SKIC3: variants seen among roughly 807,000 people sequenced by gnomAD.
SKIC3 encodes superkiller complex protein 3.
the SKIC3 span, among the ~76,000 whole-genome samples, chr5:95,548,203 A>T: frequency 6.6e-6 from 1 of 152,012 alleles, no homozygotes; most frequent in Non-Finnish European, 1.5e-5. Context: ...AGGTAAAACA[A>T]AGCTGGGGTA....
chr5:95,494,613 C>T, the SKIC3 span: 6 of 1,465,510 alleles, frequency 4.1e-6, no homozygotes, highest in Non-Finnish European at 2.9e-6. Flanking sequence ...CAAGATTTTT[C>T]CCCCACTTAC....
the SKIC3 span, chr5:95,509,467 AC>A: frequency 5.4e-6 from 4 of 739,238 alleles, no homozygotes; most frequent in Non-Finnish European, 9.7e-6. Flanking sequence ...GCTCCTCCCC[AC>A]CTGCAAATGG....
At chr5:95,504,283 C>A in the SKIC3 span, among the ~76,000 whole-genome samples, 1 of 152,002 alleles carries the variant, frequency 6.6e-6, no homozygotes, top group African/African-American at 2.4e-5. Flanking sequence ...TTGTAGTGAG[C>A]CGAGATTGCA....
the SKIC3 span, chr5:95,512,724 A>C: frequency 7.6e-7 from 1 of 1,315,308 alleles, no homozygotes; most frequent in Non-Finnish European, 1.1e-6. Context: ...ATCACATCTC[A>C]GTGTTCTTTA....
chr5:95,539,149 C>CT, the SKIC3 span, among the ~76,000 whole-genome samples: 156 of 151,174 alleles, frequency 1.0e-3, 1 homozygote, highest in African/African-American at 3.3e-3. Context: ...ACATACAATC[C>CT]TTTTTTTTTG....
chr5:95,470,385 A>G, the SKIC3 span, among the ~76,000 whole-genome samples: 1 of 152,196 alleles, frequency 6.6e-6, no homozygotes, highest in Non-Finnish European at 1.5e-5. Flanking sequence ...GCTCTAAAGG[A>G]GCTATAAAAT....
At chr5:95,521,769 T>C in the SKIC3 span, among the ~76,000 whole-genome samples, 1 of 151,966 alleles carries the variant, frequency 6.6e-6, no homozygotes, top group Non-Finnish European at 1.5e-5. Context: ...AATGTAAGAG[T>C]AGGGAAACAT....
chr5:95,486,407 T>C, the SKIC3 span, among the ~76,000 whole-genome samples: 1 of 152,154 alleles, frequency 6.6e-6, no homozygotes, highest in South Asian at 2.1e-4. Context: ...AGCTGAGGCA[T>C]CACTGAAGGC....
the SKIC3 span, among the ~76,000 whole-genome samples, chr5:95,547,598 T>A: frequency 2.4e-4 from 37 of 152,258 alleles, no homozygotes; most frequent in African/African-American, 8.4e-4. Context: ...TCTTAAATTA[T>A]AGATGATCAA....
At chr5:95,493,290 A>T in the SKIC3 span, among the ~76,000 whole-genome samples, 1 of 152,196 alleles carries the variant, frequency 6.6e-6, no homozygotes, top group African/African-American at 2.4e-5. Flanking sequence ...TTAGCATCTT[A>T]TGGGATGTCT....
chr5:95,477,926 A>T, the SKIC3 span, among the ~76,000 whole-genome samples: 1 of 152,232 alleles, frequency 6.6e-6, no homozygotes, highest in Non-Finnish European at 1.5e-5. Context: ...CTCTTAGAGA[A>T]TGTTGAATTG....
chr5:95,502,811 T>A, the SKIC3 span: 1 of 1,596,486 alleles, frequency 6.3e-7, no homozygotes, highest in Non-Finnish European at 8.5e-7. Context: ...GAACTTACGC[T>A]TTCTCCAATT....
chr5:95,465,140 G>A, the SKIC3 span, among the ~76,000 whole-genome samples: 12 of 151,864 alleles, frequency 7.9e-5, no homozygotes, highest in South Asian at 2.1e-4. Context: ...GTTGGCCAGA[G>A]GCTGGTCTCA....
the SKIC3 span, chr5:95,541,522 T>C: frequency 2.4e-6 from 2 of 835,438 alleles, no homozygotes; most frequent in Non-Finnish European, 3.8e-6. Flanking sequence ...TCTTCTTTCA[T>C]ACTACAGTAA....
At chr5:95,479,446 T>C in the SKIC3 span, among the ~76,000 whole-genome samples, 3 of 152,262 alleles carry the variant, frequency 2.0e-5, no homozygotes, top group Middle Eastern at 3.4e-3. Flanking sequence ...CAGAGCTTTG[T>C]TGGGTGAGAA....
At chr5:95,505,648 C>G in the SKIC3 span, among the ~76,000 whole-genome samples, 345 of 152,064 alleles carry the variant, frequency 2.3e-3, no homozygotes, top group African/African-American at 7.5e-3. Context: ...TCCGTCTCTA[C>G]TAAAAATACA....
chr5:95,484,008 C>G, the SKIC3 span, among the ~76,000 whole-genome samples: 1 of 152,132 alleles, frequency 6.6e-6, no homozygotes, highest in Non-Finnish European at 1.5e-5. Context: ...TACTGCCTCT[C>G]TAATGACACC....
the SKIC3 span, among the ~76,000 whole-genome samples, chr5:95,510,148 G>C: frequency 2.2e-4 from 33 of 152,242 alleles, no homozygotes; most frequent in South Asian, 5.0e-3. Context: ...GGTACTTTCG[G>C]TGCAGTATTT....
At chr5:95,465,697 C>T in the SKIC3 span, among the ~76,000 whole-genome samples, 2 of 152,156 alleles carry the variant, frequency 1.3e-5, no homozygotes, top group Non-Finnish European at 2.9e-5. Flanking sequence ...CAGTCTGTGA[C>T]GTGGATGGAC....
Sources: allele counts gnomAD v4.1 joint callset (sites outside exome capture counted in the v4.1 genomes callset), GRCh38; gene constraint gnomAD v4.1.1; transcripts MANE v1.5; gene names NCBI Gene and HGNC (gene_info 2026-07-23, HGNC 2026-07-21).